Variants in COL4A1 observed in about 807,000 individuals in gnomAD.
COL4A1 encodes collagen type IV alpha 1 chain, also known as collagen alpha-1(IV) chain.
COL4A1 carries 40 observed loss-of-function variants against 216.6 expected under a neutral mutation model. That is an observed-to-expected ratio of 0.18 (90% CI 0.14 to 0.24). The LOEUF (loss-of-function observed/expected upper bound fraction) is 0.24. COL4A1 is among the 10% of genes least tolerant of loss of function. The pLI is 1.00. For synonymous variants in COL4A1, 839 were observed against 810.7 expected, an observed-to-expected ratio of 1.03 and a Z score of -0.59; for missense variants, 1,628 against 2,196.8, an observed-to-expected ratio of 0.74 and a Z score of 5.18.
intron 1 of COL4A1, among the ~76,000 whole-genome samples, 182 bp downstream of exon 1, chr13:110,306,762 C>T (rs1359661947): frequency 6.6e-6 from 1 of 152,240 alleles, no homozygotes; most frequent in Non-Finnish European, 1.5e-5. Flanking sequence ...AGGCTCGGTC[C>T]ACCAATGCGC....
chr13:110,219,444 G>A (rs1035796234), intron 2 of COL4A1, among the ~76,000 whole-genome samples: 3 of 151,908 alleles, frequency 2.0e-5, no homozygotes, highest in African/African-American at 4.8e-5. Flanking sequence ...CATAAAAAGC[G>A]TGGCTGCAAA....
At chr13:110,223,474 C>G (rs1880598187) in intron 2 of COL4A1, among the ~76,000 whole-genome samples, 1 of 152,216 alleles carries the variant, frequency 6.6e-6, no homozygotes, top group African/African-American at 2.4e-5. Context: ...CTCATTAAAA[C>G]CAAAATCACA....
chr13:110,230,335 A>T (rs1393886153), intron 2 of COL4A1, among the ~76,000 whole-genome samples: 1 of 151,874 alleles, frequency 6.6e-6, no homozygotes, highest in Non-Finnish European at 1.5e-5. Flanking sequence ...CATGCACGTG[A>T]TGTGTGCATG....
At position 110,173,885 on chromosome 13, in the gene COL4A1, G is replaced by T; in HGVS notation, c.3505+15C>A. On this transcript the variant is annotated intron_variant, in intron 40 of 51. Transcript: ENST00000375820. ...CACTGCTGATTCTGATAGGGAATGG[G>T]GCGTTGGGCCATACCTGGTTCACCC... The T allele has an allele frequency of 6.2e-7, 1 of 1,614,066 alleles. No individual in the cohort carries two copies. The highest frequency in any genetic ancestry group is 8.5e-7 in the Non-Finnish European group (1 of 1,179,916).
chr13:110,182,230 G>A (rs1878196043), intron 28 of COL4A1, among the ~76,000 whole-genome samples: 1 of 152,210 alleles, frequency 6.6e-6, no homozygotes, highest in South Asian at 2.1e-4. Context: ...TTGCGTGGCT[G>A]TCAGAGGAAA....
At chr13:110,213,669 G>C in intron 4 of COL4A1, 113 bp downstream of exon 4, 1 of 1,071,786 alleles carries the variant, frequency 9.3e-7, no homozygotes, top group African/African-American at 1.5e-5. Flanking sequence ...GTGTGAGCTG[G>C]GAGAGGAGAT....
chr13:110,293,542 A>G (rs1250758483), intron 1 of COL4A1, among the ~76,000 whole-genome samples: 1 of 152,230 alleles, frequency 6.6e-6, no homozygotes, highest in Admixed American at 6.5e-5. Flanking sequence ...TGAGATGGCA[A>G]TTGACTCTGC....
At chr13:110,166,453 A>G in intron 44 of COL4A1, 150 bp from the exon 45 acceptor site, 1 of 712,672 alleles carries the variant, frequency 1.4e-6, no homozygotes, top group East Asian at 2.6e-5. Flanking sequence ...ATATATGCAT[A>G]CCCATATATA....
intron 2 of COL4A1, among the ~76,000 whole-genome samples, chr13:110,230,474 G>A (rs2139231026): frequency 6.6e-6 from 1 of 152,228 alleles, no homozygotes; most frequent in African/African-American, 2.4e-5. Flanking sequence ...AAAGTGGATG[G>A]GAAATTGTGG....
At chr13:110,199,679 G>A (rs1174505150) in intron 20 of COL4A1, among the ~76,000 whole-genome samples, 1 of 152,188 alleles carries the variant, frequency 6.6e-6, no homozygotes, top group Admixed American at 6.5e-5. Context: ...GCCCAGGGCA[G>A]GACTGGACAG....
At chr13:110,246,894 T>G (rs1031212865) in intron 1 of COL4A1, among the ~76,000 whole-genome samples, 4 of 152,044 alleles carry the variant, frequency 2.6e-5, no homozygotes, top group Non-Finnish European at 5.9e-5. Context: ...CGAGTGGTCA[T>G]GAGGATGAAA....
intron 21 of COL4A1, among the ~76,000 whole-genome samples, chr13:110,195,360 T>C (rs1325563666): frequency 6.6e-6 from 1 of 152,232 alleles, no homozygotes; most frequent in Non-Finnish European, 1.5e-5. Flanking sequence ...TCACAAATTC[T>C]GAAGTATCTG....
At chr13:110,209,566 C>A in intron 10 of COL4A1, 139 bp from the exon 11 acceptor site, 1 of 719,042 alleles carries the variant, frequency 1.4e-6, no homozygotes, top group Non-Finnish European at 2.4e-6. Context: ...GGCTTCCCCT[C>A]CCTCCCCACT....
At chr13:110,277,180 T>C (rs1466186235) in intron 1 of COL4A1, among the ~76,000 whole-genome samples, 1 of 152,248 alleles carries the variant, frequency 6.6e-6, no homozygotes, top group Non-Finnish European at 1.5e-5. Context: ...CCTCTGTAGT[T>C]ATATTCCAGG....
rs774198019 is a variant in COL4A1 at position 110,174,523 on chromosome 13, C to A, written c.3329G>T (p.Ser1110Ile). 2.3e-5 allele frequency: 37 copies of A among 1,614,004 alleles called. No individual in the cohort carries two copies. Among genetic ancestry groups the A allele is most frequent in the Non-Finnish European group, 3.1e-5 (37 of 1,180,022 alleles). The change falls in exon 39 of 52, where the codon AGT becomes ATT. Residue 1110 changes from serine (S) to isoleucine (I), a missense_variant. This residue lies in a region of COL4A1 where 345 missense variants were observed against 476.9 expected (regional missense o/e 0.72). Coordinates refer to ENST00000375820, the MANE Select transcript of COL4A1 (RefSeq NM_001845.6). ...GSPGSVGYPGSPGLPGEKGDK... is the reference protein window; with the variant it reads ...GSPGSVGYPGIPGLPGEKGDK... ...ACCTTTTTCTCCAGGTAGCCCAGGA[C>A]TTCCTAAAGAAAAAAACAAAACACC...
intron 2 of COL4A1, among the ~76,000 whole-genome samples, chr13:110,241,556 T>C (rs1324087791): frequency 1.3e-5 from 2 of 152,186 alleles, no homozygotes; most frequent in African/African-American, 4.8e-5. Context: ...GCATGCACAC[T>C]GGAAATCGCT....
chr13:110,176,415 C>A lies in COL4A1; in HGVS notation c.3058+9G>T, dbSNP rs1566351195. 5.6e-6 allele frequency: 9 copies of A among 1,598,818 alleles called. No homozygotes were observed. Among genetic ancestry groups the A allele is most frequent in the Non-Finnish European group, 7.7e-6 (9 of 1,166,040 alleles). ...CATGCTAAAGAATCCTCTTCTAAAT[C>A]CAGTTTACCTGGCAAGCCCATTCCA... On this transcript the variant is annotated intron_variant, in intron 36 of 51. Coordinates refer to ENST00000375820, the MANE Select transcript of COL4A1 (RefSeq NM_001845.6).
At chr13:110,198,129 A>G (rs945348096) in intron 21 of COL4A1, among the ~76,000 whole-genome samples, 1 of 140,088 alleles carries the variant, frequency 7.1e-6, no homozygotes, top group Non-Finnish European at 1.5e-5. Context: ...CCTAGTATTC[A>G]TTTGTATCTC....
intron 2 of COL4A1, among the ~76,000 whole-genome samples, chr13:110,227,326 A>T (rs140227254): frequency 6.6e-6 from 1 of 151,664 alleles, no homozygotes; most frequent in Non-Finnish European, 1.5e-5. Context: ...TTTCCCACGT[A>T]TATGGATTTT....
Sources: allele counts gnomAD v4.1 joint callset (sites outside exome capture counted in the v4.1 genomes callset), GRCh38; gene constraint gnomAD v4.1.1; regional missense constraint gnomAD v4.1.1; transcripts MANE v1.5; gene names NCBI Gene and HGNC (gene_info 2026-07-23, HGNC 2026-07-21).